EHMT1: variants seen among roughly 807,000 people sequenced by gnomAD.
The protein encoded by EHMT1 is euchromatic histone lysine methyltransferase 1.
In EHMT1, 15 loss-of-function variants were observed where a neutral mutation model predicts 147.2. The ratio of observed to expected loss-of-function variants is 0.10; its 90% confidence interval spans 0.07 to 0.16. EHMT1 has a LOEUF of 0.16. EHMT1 is among the 10% of genes least tolerant of loss of function. EHMT1 has a pLI of 1.00. For synonymous variants in EHMT1, 795 were observed against 709.6 expected, an observed-to-expected ratio of 1.12 and a Z score of -1.91; for missense variants, 1,587 against 1,772.4, an observed-to-expected ratio of 0.90 and a Z score of 1.88.
At chr9:137,799,868 C>T (rs1449909260) in intron 17 of EHMT1, among the ~76,000 whole-genome samples, 1 of 152,258 alleles carries the variant, frequency 6.6e-6, no homozygotes, top group Non-Finnish European at 1.5e-5. Flanking sequence ...GTCCCTGCAT[C>T]TGAAGCATCC....
rs1949505747 is a variant in EHMT1 at position 137,757,929 on chromosome 9, A to G, written c.1419A>G (p.Pro473=). 5 of 1,614,124 alleles carry G rather than the reference A, an allele frequency of 3.1e-6. No individual in the cohort carries two copies. The highest frequency in any genetic ancestry group is 4.2e-6 in the Non-Finnish European group (5 of 1,180,018). Residue 473 remains proline, a synonymous_variant, in exon 9 of 27, where the codon CCA becomes CCG. Coordinates refer to ENST00000460843, the MANE Select transcript of EHMT1 (RefSeq NM_024757.5). ...CAGGAAGCGCTGAGCAGACGGCACC[A>G]GGAGACAGCACAGGGTACATGGAAG... ...SSAGSAEQTA[P]GDSTGYMEVS...
chr9:137,789,863 G>A (rs1177796941), intron 15 of EHMT1, among the ~76,000 whole-genome samples: 2 of 152,264 alleles, frequency 1.3e-5, no homozygotes, highest in African/African-American at 4.8e-5. Context: ...CTGCGTAGCT[G>A]GGATTACAGG....
chr9:137,723,983 C>T (rs549541307), intron 3 of EHMT1, among the ~76,000 whole-genome samples: 32 of 152,270 alleles, frequency 2.1e-4, no homozygotes, highest in Admixed American at 9.2e-4. Context: ...TGGAAGTCGC[C>T]GGAAGGGAAC....
intron 1 of EHMT1, among the ~76,000 whole-genome samples, chr9:137,698,328 A>T (rs573410531): frequency 4.4e-4 from 67 of 152,364 alleles, no homozygotes; most frequent in Non-Finnish European, 8.8e-4. Flanking sequence ...TAGACATGGT[A>T]AACTACCTTA....
At chr9:137,679,944 A>G (rs779183763) in intron 1 of EHMT1, among the ~76,000 whole-genome samples, 8 of 152,140 alleles carry the variant, frequency 5.3e-5, no homozygotes, top group Non-Finnish European at 8.8e-5. Flanking sequence ...TTGATCTGCA[A>G]TGCTGATGGC....
chr9:137,818,214 C>A, intron 25 of EHMT1, 76 bp downstream of exon 25: 1 of 1,511,236 alleles, frequency 6.6e-7, no homozygotes, highest in Non-Finnish European at 9.2e-7. Context: ...CCCAGTAGGG[C>A]TGGGATTCAG....
intron 1 of EHMT1, among the ~76,000 whole-genome samples, chr9:137,632,163 C>T (rs758075225): frequency 1.3e-5 from 2 of 152,218 alleles, no homozygotes; most frequent in Non-Finnish European, 2.9e-5. Context: ...ATGTATCCCC[C>T]TCATTCAGCG....
At chr9:137,758,776 T>C (rs1395098124) in intron 9 of EHMT1, among the ~76,000 whole-genome samples, 1 of 151,600 alleles carries the variant, frequency 6.6e-6, no homozygotes, top group African/African-American at 2.4e-5. Flanking sequence ...CTGAGGGAGG[T>C]TTGAGTCACC....
At chr9:137,722,298 T>C (rs1468985937) in intron 3 of EHMT1, among the ~76,000 whole-genome samples, 1 of 152,248 alleles carries the variant, frequency 6.6e-6, no homozygotes, top group Non-Finnish European at 1.5e-5. Context: ...CCATGAGGCT[T>C]ATTTAAGTGA....
intron 14 of EHMT1, among the ~76,000 whole-genome samples, chr9:137,780,461 T>C (rs1212050682): frequency 4.7e-5 from 4 of 85,350 alleles, no homozygotes; most frequent in African/African-American, 1.5e-4. Context: ...ATCACTGAGA[T>C]GTGTGGTGAT....
intron 1 of EHMT1, chr9:137,680,762 C>T (rs546071474): frequency 6.6e-6 from 1 of 152,386 alleles, no homozygotes; most frequent in South Asian, 2.1e-4. Flanking sequence ...ACCTGTGAGA[C>T]CCTAACCCCG....
intron 9 of EHMT1, among the ~76,000 whole-genome samples, chr9:137,760,813 T>A (rs1241049956): frequency 2.0e-5 from 3 of 152,274 alleles, no homozygotes; most frequent in South Asian, 4.1e-4. Context: ...ATCGAGACCA[T>A]CCTGGCTAAC....
At chr9:137,801,064 A>G (rs1010425361) in intron 18 of EHMT1, 80 bp downstream of exon 18, 22 of 1,327,348 alleles carry the variant, frequency 1.7e-5, no homozygotes, top group Admixed American at 3.6e-5. Flanking sequence ...TTTTCTCAAA[A>G]GCAGAACCCT....
chr9:137,831,656 G>T (rs1207719441), intron 25 of EHMT1, among the ~76,000 whole-genome samples: 1 of 152,240 alleles, frequency 6.6e-6, no homozygotes, highest in Non-Finnish European at 1.5e-5. Flanking sequence ...AGCCTTAGGA[G>T]CTGCCTTGAA....
At chr9:137,735,887 A>C (rs768487619) in intron 4 of EHMT1, among the ~76,000 whole-genome samples, 13 of 152,096 alleles carry the variant, frequency 8.5e-5, no homozygotes, top group Non-Finnish European at 1.9e-4. Context: ...TCCAATTTCC[A>C]CCATGAGCCA....
intron 1 of EHMT1, among the ~76,000 whole-genome samples, chr9:137,630,817 G>A (rs893378816): frequency 5.3e-5 from 8 of 152,082 alleles, no homozygotes; most frequent in Admixed American, 2.6e-4. Flanking sequence ...GGTCAGAAGG[G>A]GATAGTGGCA....
At chr9:137,699,900 A>G (rs1484323744) in intron 1 of EHMT1, among the ~76,000 whole-genome samples, 2 of 152,224 alleles carry the variant, frequency 1.3e-5, no homozygotes, top group African/African-American at 4.8e-5. Context: ...TTTTTCCTAC[A>G]GATTATGTTA....
At chr9:137,766,422 G>A (rs1354338356) in intron 10 of EHMT1, among the ~76,000 whole-genome samples, 12 of 152,098 alleles carry the variant, frequency 7.9e-5, no homozygotes, top group Admixed American at 7.9e-4. Context: ...TGAGACCATC[G>A]TGGCCAACAT....
chr9:137,796,374 A>G (rs921208381), intron 16 of EHMT1, among the ~76,000 whole-genome samples: 1 of 152,236 alleles, frequency 6.6e-6, no homozygotes, highest in Non-Finnish European at 1.5e-5. Context: ...AGATTTTGCA[A>G]TGCATCGGCC....
Sources: allele counts gnomAD v4.1 joint callset (sites outside exome capture counted in the v4.1 genomes callset), GRCh38; gene constraint gnomAD v4.1.1; transcripts MANE v1.5; gene names NCBI Gene and HGNC (gene_info 2026-07-23, HGNC 2026-07-21).